SSUH2: variants seen among roughly 807,000 people sequenced by gnomAD.
SSUH2 encodes the protein protein SSUH2 homolog.
Under a neutral mutation model 55.3 loss-of-function variants are expected in SSUH2, and 47 were observed. The observed-to-expected ratio is 0.85, with a 90% CI of 0.67 to 1.08. The LOEUF (loss-of-function observed/expected upper bound fraction) is 1.08, where lower values mean the gene tolerates loss of function less well. Ranked by LOEUF, SSUH2 falls within the 50% of genes least tolerant of loss-of-function variation. SSUH2 has a pLI of 0.00. For missense variants in SSUH2, 535 were observed against 490.7 expected (o/e 1.09, Z -0.85); for synonymous variants, 212 against 191.5 (o/e 1.11, Z -0.89).
chr3:8,674,373 G>T (rs936040810), intron 3 of SSUH2, among the ~76,000 whole-genome samples: 1 of 152,216 alleles, frequency 6.6e-6, no homozygotes, highest in African/African-American at 2.4e-5. Flanking sequence ...GGACAAGGAG[G>T]AAGGGGCCCG....
chr3:8,621,575 C>A (rs1425845787), intron 11 of SSUH2, among the ~76,000 whole-genome samples: 1 of 152,148 alleles, frequency 6.6e-6, no homozygotes, highest in Non-Finnish European at 1.5e-5. Flanking sequence ...AATTTCCACA[C>A]AGCTTTCCAT....
chr3:8,619,813 C>G lies in SSUH2; in HGVS notation c.*55G>C. On this transcript the variant is annotated 3_prime_UTR_variant, in exon 12 of 12. Transcript: ENST00000544814. ...AACAGTGAACACACTCAGAGAGTGT[C>G]GGCCATCTTCCTTGGCAAACGTGAA... 6.3e-7 allele frequency: 1 copy of G among 1,587,012 alleles called. No individual in the cohort carries two copies. Among genetic ancestry groups the G allele is most frequent in the South Asian group, 1.2e-5 (1 of 86,138 alleles).
At chr3:8,677,787 G>GC (rs1213107583) in intron 2 of SSUH2, among the ~76,000 whole-genome samples, 3 of 150,410 alleles carry the variant, frequency 2.0e-5, no homozygotes, top group East Asian at 4.2e-4. Context: ...GAACATAAAG[G>GC]CCCCCCATGC....
intron 5 of SSUH2, among the ~76,000 whole-genome samples, chr3:8,669,424 C>A (rs1191142589): frequency 6.6e-6 from 1 of 152,132 alleles, no homozygotes; most frequent in African/African-American, 2.4e-5. Flanking sequence ...AGTAGACAAA[C>A]TTTATCAGAG....
chr3:8,623,307 C>A (rs935446074), intron 11 of SSUH2: 3 of 509,560 alleles, frequency 5.9e-6, no homozygotes, highest in Admixed American at 3.4e-5. Context: ...ACCCTGCAAT[C>A]GCTTCTGGGA....
chr3:8,644,239 C>T (rs1034654063), intron 1 of SSUH2, among the ~76,000 whole-genome samples: 3 of 152,076 alleles, frequency 2.0e-5, no homozygotes, highest in African/African-American at 7.2e-5. Flanking sequence ...AGCCTTTTCC[C>T]GACCTTTCTG....
chr3:8,635,495 G>C (rs1324246574), intron 2 of SSUH2, 114 bp from the exon 3 acceptor site: 2 of 843,570 alleles, frequency 2.4e-6, no homozygotes, highest in East Asian at 2.7e-5. Context: ...AAGAAACAGT[G>C]ATGCATTTAA....
In SSUH2 at chr3:8,633,621, C is replaced by T. The variant is rs760837541; in HGVS notation, c.339+45G>A. 2.7e-6 allele frequency: 4 copies of T among 1,461,454 alleles called. No individual in the cohort carries two copies. The South Asian group carries it at 5.8e-5, about 21-fold the overall frequency. The allele number at this position is 1,461,454 out of a possible 1,614,324, so 90.5% of individuals were successfully genotyped here. ...CTCCACTGTCCCAAAGCCCCCAGCT[C>T]CCCAGCCCCCCGGCCAAGGCCCCCC... On this transcript the variant is annotated intron_variant, in intron 4 of 11. Coordinates refer to ENST00000544814, the MANE Select transcript of SSUH2 (RefSeq NM_001256748.3).
intron 5 of SSUH2, among the ~76,000 whole-genome samples, chr3:8,670,455 G>T (rs1704435283): frequency 6.6e-6 from 1 of 151,976 alleles, no homozygotes; most frequent in South Asian, 2.1e-4. Context: ...ATCACAGCAG[G>T]TGTCCACACA....
upstream of SSUH2, chr3:8,644,909 A>C (rs1701475281): frequency 1.4e-6 from 1 of 712,130 alleles, no homozygotes; most frequent in Non-Finnish European, 2.5e-6. Context: ...ATCGTTCATC[A>C]TAGCAGCTGC....
chr3:8,633,684 C>T lies in SSUH2; in HGVS notation c.321G>A (p.Lys107=), dbSNP rs1408376263. 1.3e-5 allele frequency: 20 copies of T among 1,529,392 alleles called. No homozygotes were observed. The highest frequency in any genetic ancestry group is 1.7e-5 in the Non-Finnish European group (19 of 1,139,560). 94.7% of individuals were successfully genotyped at this position (1,529,392 alleles called of 1,614,324 possible). Residue 107 remains lysine (K), a synonymous_variant, in exon 4 of 12, where the codon AAG becomes AAA. Coordinates refer to ENST00000544814, the MANE Select transcript of SSUH2 (RefSeq NM_001256748.3). ...CTCTCACCCTGCAGAGGGTCTGCCGCTTCAGCTCCTGGATGACGAGGTCTC... is the reference window on the plus strand; with the variant it reads ...CTCTCACCCTGCAGAGGGTCTGCCGTTTCAGCTCCTGGATGACGAGGTCTC... ...VAGDLVIQEL[K]RQTLCRYRLE...
chr3:8,635,921 G>A, intron 1 of SSUH2, 64 bp from the exon 2 acceptor site: 1 of 1,401,418 alleles, frequency 7.1e-7, no homozygotes, highest in Non-Finnish European at 9.6e-7. Context: ...GGGCTTCACA[G>A]GAAGTTGAGA....
intron 2 of SSUH2, among the ~76,000 whole-genome samples, chr3:8,678,247 G>C (rs185755200): frequency 3.2e-4 from 48 of 152,140 alleles, no homozygotes; most frequent in African/African-American, 1.1e-3. Context: ...GTATACTTAC[G>C]GTGATATTTG....
At chr3:8,670,805 C>T (rs1021259227) in intron 5 of SSUH2, among the ~76,000 whole-genome samples, 11 of 152,010 alleles carry the variant, frequency 7.2e-5, no homozygotes, top group Admixed American at 5.2e-4. Context: ...GGGTATACAT[C>T]CCCTTGACAA....
At chr3:8,658,995 C>G (rs968031802) in exon 7 of SSUH2, 1 of 152,208 alleles carries the variant, frequency 6.6e-6, no homozygotes, top group African/African-American at 2.4e-5. Flanking sequence ...CTAAGAGGTA[C>G]TATTACAAGG....
At chr3:8,647,926 G>C (rs929267723), upstream of SSUH2, among the ~76,000 whole-genome samples, 1 of 152,194 alleles carries the variant, frequency 6.6e-6, no homozygotes. Context: ...GAATGGGCTT[G>C]ACACAAATAA....
intron 1 of SSUH2, 120 bp from the exon 2 acceptor site, chr3:8,635,977 T>C: frequency 1.3e-6 from 1 of 778,518 alleles, no homozygotes; most frequent in Non-Finnish European, 2.0e-6. Context: ...TAAGCCAGCC[T>C]CACTCTGGCA....
At chr3:8,679,058 AG>A (rs1705720356) in intron 2 of SSUH2, among the ~76,000 whole-genome samples, 2 of 89,356 alleles carry the variant, frequency 2.2e-5, no homozygotes, top group African/African-American at 3.9e-5. Flanking sequence ...CAGGGGAGGA[AG>A]CACCCCCCGC....
At chr3:8,646,101 C>T (rs1206180396), upstream of SSUH2, among the ~76,000 whole-genome samples, 1 of 152,130 alleles carries the variant, frequency 6.6e-6, no homozygotes, top group Non-Finnish European at 1.5e-5. Flanking sequence ...ATTTTAAGCC[C>T]TTATAGAATT....
Sources: gnomAD v4.1 joint callset for allele counts (sites outside exome capture counted in the v4.1 genomes callset) on GRCh38, gnomAD v4.1.1 for gene constraint, MANE v1.5 for transcripts, NCBI Gene and HGNC (gene_info 2026-07-23, HGNC 2026-07-21) for gene names.